ARHGEF9: variants seen among roughly 807,000 people sequenced by gnomAD.
ARHGEF9 encodes Cdc42 guanine nucleotide exchange factor 9.
In ARHGEF9, 2 loss-of-function variants were observed where a neutral mutation model predicts 41.3. That is an observed-to-expected ratio of 0.05 (90% confidence interval 0.02 to 0.15). ARHGEF9 has a LOEUF of 0.15. Among genes scored for constraint, ARHGEF9 ranks in the 10% least tolerant of loss-of-function variants. ARHGEF9 has a pLI of 1.00. For missense variants in ARHGEF9, 225 were observed against 424.7 expected (o/e 0.53, Z 4.13); for synonymous variants, 160 against 154.4 (o/e 1.04, Z -0.27).
At chrX:63,657,207 A>T (rs1445583747) in intron 7 of ARHGEF9, 2 of 112,325 alleles carry the variant, frequency 1.8e-5, no homozygotes, top group East Asian at 5.6e-4. Context: ...ATGCTCATTA[A>T]TTTTTATTAG....
In ARHGEF9 at chrX:63,635,521, G is replaced by T. The variant is rs1333027682; in HGVS notation, c.*2507C>A. 8 of 485,736 alleles carry T rather than the reference G, an allele frequency of 1.6e-5. No homozygotes were observed. The African/African-American group carries it at 2.0e-4, about 12-fold the overall frequency. 40.0% of individuals were successfully genotyped at this position (485,736 alleles called of 1,213,427 possible). ...GGTATTTAATTGGGCTCCCCTTGGG[G>T]CTGTTGGCCACTGGTCTGCTTTGAT... On this transcript the variant is annotated 3_prime_UTR_variant, in exon 10 of 10. Coordinates refer to ENST00000671741, the MANE Select transcript of ARHGEF9 (RefSeq NM_001353921.2).
At chrX:63,719,314 C>G (rs782600174) in intron 2 of ARHGEF9, among the ~76,000 whole-genome samples, 23 of 112,184 alleles carry the variant, frequency 2.1e-4, no homozygotes, top group African/African-American at 7.1e-4. Flanking sequence ...TAGTGAAACT[C>G]CTCTCAAGAA....
chrX:63,780,791 T>A (rs782706488), intron 1 of ARHGEF9, among the ~76,000 whole-genome samples: 4 of 111,855 alleles, frequency 3.6e-5, no homozygotes, highest in Non-Finnish European at 7.5e-5. Context: ...GTTGCATCGT[T>A]GGCCCCTGAC....
At chrX:63,782,888 C>A (rs1435675480) in intron 1 of ARHGEF9, among the ~76,000 whole-genome samples, 2 of 112,862 alleles carry the variant, frequency 1.8e-5, no homozygotes, top group African/African-American at 6.4e-5. Context: ...CAAAGGATTT[C>A]TGTTAGTGGC....
intron 4 of ARHGEF9, among the ~76,000 whole-genome samples, chrX:63,695,782 C>T (rs781866436): frequency 1.1e-3 from 118 of 111,870 alleles, no homozygotes; most frequent in Non-Finnish European, 1.5e-3. Context: ...TGCTAAATAC[C>T]TGCTTTCCTT....
At chrX:63,776,897 T>G (rs781912751) in intron 1 of ARHGEF9, among the ~76,000 whole-genome samples, 1 of 111,487 alleles carries the variant, frequency 9.0e-6, no homozygotes, top group Non-Finnish European at 1.9e-5. Context: ...GAGCTCAATA[T>G]CTGATCACCA....
rs1328242194 is a variant in ARHGEF9, at chrX:63,637,858, GTGTGTGTGTGTGTGTGTGTGTGTC to G, written c.*146_*169del. 1.8e-5 allele frequency: 7 copies of G among 391,644 alleles called. No individual in the cohort carries two copies. The highest frequency in any genetic ancestry group is 4.6e-5 in the Admixed American group (1 of 21,730). The allele number at this position is 391,644 out of a possible 1,213,427, so 32.3% of individuals were successfully genotyped here. The stretch of plus-strand genomic sequence containing the variant: ...GTTCCTTATCTCTCTGTGTGTGTGT[GTGTGTGTGTGTGTGTGTGTGTGTC>G]TGTGTGTGTGTGTGTGTATGTGTAC... On this transcript the variant is annotated 3_prime_UTR_variant, in exon 10 of 10. Transcript: ENST00000671741.
At chrX:63,770,629 T>C (rs1349136241) in intron 1 of ARHGEF9, among the ~76,000 whole-genome samples, 2 of 111,994 alleles carry the variant, frequency 1.8e-5, no homozygotes, top group Non-Finnish European at 3.8e-5. Flanking sequence ...TAGCTCTGTG[T>C]CCCCACCCAA....
chrX:63,654,217 T>C, intron 8 of ARHGEF9, among the ~76,000 whole-genome samples: 1 of 111,007 alleles, frequency 9.0e-6, no homozygotes, highest in Non-Finnish European at 1.9e-5. Flanking sequence ...AGAAAGTAAT[T>C]TCTAGAAGCT....
chrX:63,727,665 C>G (rs1282181836), intron 1 of ARHGEF9: 1 of 111,448 alleles, frequency 9.0e-6, no homozygotes, highest in African/African-American at 3.3e-5. Flanking sequence ...GAATTTAAGA[C>G]CTTGTTATAC....
chrX:63,685,233 A>G (rs1214640279), intron 4 of ARHGEF9, among the ~76,000 whole-genome samples: 1 of 111,785 alleles, frequency 8.9e-6, no homozygotes, highest in Non-Finnish European at 1.9e-5. Context: ...TTAAATTTAT[A>G]CCTTAAATAT....
At chrX:63,737,545 C>A (rs2054690877) in intron 1 of ARHGEF9, among the ~76,000 whole-genome samples, 1 of 112,104 alleles carries the variant, frequency 8.9e-6, no homozygotes, top group African/African-American at 3.2e-5. Flanking sequence ...GGGCTATCTC[C>A]CACTCAAAAT....
At chrX:63,672,104 T>C (rs1242043800) in intron 6 of ARHGEF9, among the ~76,000 whole-genome samples, 2 of 110,385 alleles carry the variant, frequency 1.8e-5, no homozygotes, top group Admixed American at 1.9e-4. Context: ...AGTCATGAAT[T>C]AAATGGGAAT....
At chrX:63,781,433 C>A (rs1717621173) in intron 1 of ARHGEF9, among the ~76,000 whole-genome samples, 1 of 111,376 alleles carries the variant, frequency 9.0e-6, no homozygotes. Context: ...GTCAGAAGTC[C>A]AAAAGCAGAT....
chrX:63,732,604 G>A (rs1486254881), intron 1 of ARHGEF9, among the ~76,000 whole-genome samples: 3 of 111,303 alleles, frequency 2.7e-5, no homozygotes, highest in Non-Finnish European at 5.6e-5. Context: ...AGAAGCTTCA[G>A]TAACTCCCCA....
Position 63,635,653 on chromosome X carries a change from G to A in ARHGEF9, c.*2375C>T, listed in dbSNP as rs2047283088. The stretch of plus-strand genomic sequence containing the variant: ...TGGGTTCAGTAGAGGAGAAGTGCGG[G>A]TTGAGAAGTAATATCCCTGATCCTG... On this transcript the variant is annotated 3_prime_UTR_variant, in exon 10 of 10. Transcript: ENST00000671741. The A allele has an allele frequency of 3.1e-6, 1 of 324,614 alleles. No homozygotes were observed. 26.8% of individuals were successfully genotyped at this position (324,614 alleles called of 1,213,427 possible). A position where few individuals can be genotyped will look rare whatever the true frequency, so the allele number is the denominator to read the frequency against.
intron 1 of ARHGEF9, among the ~76,000 whole-genome samples, chrX:63,770,963 A>C (rs2056195093): frequency 8.9e-6 from 1 of 112,566 alleles, no homozygotes; most frequent in South Asian, 3.6e-4. Context: ...AGCAGCGTGA[A>C]AACAAACTAA....
intron 2 of ARHGEF9, among the ~76,000 whole-genome samples, chrX:63,706,690 T>C (rs1218144430): frequency 1.8e-5 from 2 of 111,798 alleles, no homozygotes; most frequent in African/African-American, 6.5e-5. Flanking sequence ...AATTCATTCA[T>C]GCTGGAGCAC....
At chrX:63,748,465 T>C in intron 1 of ARHGEF9, among the ~76,000 whole-genome samples, 1 of 111,413 alleles carries the variant, frequency 9.0e-6, no homozygotes, top group Non-Finnish European at 1.9e-5. Context: ...GAAGAAAAAA[T>C]TTTAAAATCC....
Sources: allele counts gnomAD v4.1 joint callset (sites outside exome capture counted in the v4.1 genomes callset), GRCh38; gene constraint gnomAD v4.1.1; transcripts MANE v1.5; gene names NCBI Gene and HGNC (gene_info 2026-07-23, HGNC 2026-07-21).